Variants in PIGL observed in about 807,000 individuals in gnomAD.
PIGL encodes phosphatidylinositol glycan anchor biosynthesis class L.
A neutral mutation model predicts 31.1 loss-of-function variants in PIGL; 22 were observed. That is an observed-to-expected ratio of 0.71 (90% CI 0.51 to 1.01). The LOEUF (loss-of-function observed/expected upper bound fraction) is 1.01. Among genes scored for constraint, PIGL ranks in the 50% least tolerant of loss-of-function variants. The pLI, the probability that PIGL is intolerant of heterozygous loss-of-function variation, is 0.00. For missense variants in PIGL, 302 were observed against 315.9 expected (o/e 0.96, Z 0.33); for synonymous variants, 131 against 117.4 (o/e 1.12, Z -0.75).
rs114879912 is a variant in PIGL, at chr17:16,313,116, G to A, written c.427-431G>A. Among the ~76,000 whole-genome samples, 377 of 152,220 alleles carry A rather than the reference G, an allele frequency of 2.5e-3. 2 individuals carry two copies. Among genetic ancestry groups the A allele is most frequent in the African/African-American group, 8.5e-3 (354 of 41,542 alleles). On this transcript the variant is annotated intron_variant, in intron 3 of 6. Coordinates refer to ENST00000225609, the MANE Select transcript of PIGL (RefSeq NM_004278.4). ...TTCCATGAACTCAACCCCAGGACAC[G>A]GTGGACATTGTCCTTCAAAGCTTTT...
intron 1 of PIGL, 153 bp downstream of exon 1, chr17:16,217,614 AGGAGCGG>A: frequency 1.9e-4 from 113 of 598,582 alleles, no homozygotes; most frequent in South Asian, 7.7e-4. Flanking sequence ...GCCTAGGGAC[AGGAGCGG>A]CCGGCTTACC....
chr17:16,290,475 T>C (rs140845588), intron 2 of PIGL, among the ~76,000 whole-genome samples: 478 of 151,580 alleles, frequency 3.2e-3, no homozygotes, highest in African/African-American at 0.011. Flanking sequence ...TTCACTGCAG[T>C]CTTGATCTCC....
intron 2 of PIGL, among the ~76,000 whole-genome samples, chr17:16,289,342 T>A (rs1385243871): frequency 6.6e-6 from 1 of 152,240 alleles, no homozygotes; most frequent in African/African-American, 2.4e-5. Context: ...CAATCTCTAG[T>A]TATCTTCGTC....
intron 2 of PIGL, among the ~76,000 whole-genome samples, chr17:16,298,144 G>GT (rs1156683887): frequency 1.1e-4 from 16 of 152,162 alleles, no homozygotes; most frequent in Non-Finnish European, 2.4e-4. Flanking sequence ...GCCATAAGGG[G>GT]TTGGCAGATG....
intron 2 of PIGL, among the ~76,000 whole-genome samples, chr17:16,290,478 TG>T (rs2092955868): frequency 6.6e-6 from 1 of 151,740 alleles, no homozygotes; most frequent in Admixed American, 6.6e-5. Flanking sequence ...ACTGCAGTCT[TG>T]ATCTCCCAGG....
intron 2 of PIGL, 70 bp from the exon 3 acceptor site, chr17:16,299,818 C>G (rs573281445): frequency 9.1e-7 from 1 of 1,099,224 alleles, no homozygotes; most frequent in South Asian, 1.2e-5. Context: ...TGGGCATGCA[C>G]CTACTGGAGC....
intron 2 of PIGL, among the ~76,000 whole-genome samples, chr17:16,289,511 AC>A (rs1426904614): frequency 6.6e-6 from 1 of 152,164 alleles, no homozygotes; most frequent in Admixed American, 6.6e-5. Flanking sequence ...TTGCAAACTT[AC>A]CCACGCACAT....
chr17:16,267,626 CCCAGA>C (rs1197665233), intron 2 of PIGL, among the ~76,000 whole-genome samples: 2 of 151,050 alleles, frequency 1.3e-5, no homozygotes, highest in Non-Finnish European at 2.9e-5. Flanking sequence ...ATCACTTGAA[CCCAGA>C]CTGCAGTGGG....
chr17:16,238,816 G>A (rs2092710418), intron 2 of PIGL, among the ~76,000 whole-genome samples: 1 of 149,986 alleles, frequency 6.7e-6, no homozygotes, highest in South Asian at 2.2e-4. Context: ...GGCTGAGGCA[G>A]GAGAACTGCT....
At chr17:16,300,093 A>G in intron 3 of PIGL, 115 bp downstream of exon 3, 1 of 752,474 alleles carries the variant, frequency 1.3e-6, no homozygotes, top group Non-Finnish European at 2.3e-6. Context: ...CTCCAGGGCC[A>G]CTCTCTAAGG....
At chr17:16,323,906 C>T (rs1385014534) in intron 6 of PIGL, among the ~76,000 whole-genome samples, 1 of 151,280 alleles carries the variant, frequency 6.6e-6, no homozygotes, top group African/African-American at 2.4e-5. Flanking sequence ...CATGAGACAC[C>T]GTGCCCTGCC....
At chr17:16,296,135 G>A (rs2092981096) in intron 2 of PIGL, among the ~76,000 whole-genome samples, 1 of 152,112 alleles carries the variant, frequency 6.6e-6, no homozygotes, top group South Asian at 2.1e-4. Flanking sequence ...GGTATATGAT[G>A]CCTTATAAAA....
In PIGL at chr17:16,263,093, T is replaced by TGGGG. The variant is rs60411653; in HGVS notation, c.335+29031_335+29034dup. ...GGGGTTTATTATAATATGGTTTATT[T>TGGGG]GGGGGGGGGGGATGAAAATGTTCTA... On this transcript the variant is annotated intron_variant, in intron 2 of 6. Transcript: ENST00000225609. Among the ~76,000 whole-genome samples, 14 of 140,022 alleles carry TGGGG rather than the reference T, an allele frequency of 1.0e-4. No individual in the cohort carries two copies. The South Asian group carries it at 1.1e-3, about 11-fold the overall frequency. The allele number at this position is 140,022 out of a possible 152,430, so 91.9% of individuals were successfully genotyped here.
chr17:16,242,783 A>C (rs1435447444), intron 2 of PIGL, among the ~76,000 whole-genome samples: 2 of 149,830 alleles, frequency 1.3e-5, no homozygotes, highest in Non-Finnish European at 3.0e-5. Flanking sequence ...TACCCGGCTA[A>C]TTTTTTGTTT....
chr17:16,227,717 A>AT (rs2092658882), intron 1 of PIGL, among the ~76,000 whole-genome samples: 2 of 150,342 alleles, frequency 1.3e-5, no homozygotes, highest in East Asian at 4.0e-4. Flanking sequence ...AGTAGCTGTG[A>AT]TTACAGGCAT....
At chr17:16,264,222 G>A (rs1203719808) in intron 2 of PIGL, among the ~76,000 whole-genome samples, 1 of 151,388 alleles carries the variant, frequency 6.6e-6, no homozygotes, top group Non-Finnish European at 1.5e-5. Flanking sequence ...TGGCCAGGCT[G>A]GTCTTGAACT....
At position 16,260,763 on chromosome 17, in the gene PIGL, C is replaced by T. The variant is rs112897263; in HGVS notation, c.335+26693C>T. ...CTATCTTGCTCACCCTCTAGTTGTC[C>T]GTGTACTTCATTCTTCCTGGACAGG... On this transcript the variant is annotated intron_variant, in intron 2 of 6. Transcript: ENST00000225609. 6.5e-3 allele frequency among the ~76,000 whole-genome samples: 982 copies of T among 152,208 alleles called. 14 individuals are homozygous for T. Among genetic ancestry groups the T allele is most frequent in the African/African-American group, 0.023 (944 of 41,526 alleles).
At chr17:16,266,269 C>T (rs1450395057) in intron 2 of PIGL, among the ~76,000 whole-genome samples, 1 of 151,166 alleles carries the variant, frequency 6.6e-6, no homozygotes, top group Non-Finnish European at 1.5e-5. Context: ...CAAAAATTAG[C>T]CCTGCATGAT....
chr17:16,315,440 T>C (rs1158072417), intron 4 of PIGL, among the ~76,000 whole-genome samples: 1 of 152,130 alleles, frequency 6.6e-6, no homozygotes, highest in Non-Finnish European at 1.5e-5. Context: ...TTCTGGCTAC[T>C]TCTCATTCTC....
Sources: gnomAD v4.1 joint callset for allele counts (sites outside exome capture counted in the v4.1 genomes callset) on GRCh38, gnomAD v4.1.1 for gene constraint, MANE v1.5 for transcripts, NCBI Gene and HGNC (gene_info 2026-07-23, HGNC 2026-07-21) for gene names.